TRPM3: variants seen among roughly 807,000 people sequenced by gnomAD.
TRPM3 encodes long transient receptor potential channel 3.
A neutral mutation model predicts 181.2 loss-of-function variants in TRPM3; 77 were observed. The observed-to-expected ratio is 0.42, with a 90% CI of 0.35 to 0.51. The LOEUF is 0.51. Ranked by LOEUF, TRPM3 falls within the 20% of genes least tolerant of loss-of-function variation. The pLI is 0.01. For synonymous variants in TRPM3, 745 were observed against 796.4 expected (o/e 0.94, Z 1.09); for missense variants, 1,759 against 2,196.7 (o/e 0.80, Z 3.98).
intron 1 of TRPM3, among the ~76,000 whole-genome samples, chr9:71,184,812 A>T (rs2077585973): frequency 1.3e-5 from 2 of 152,216 alleles, no homozygotes; most frequent in East Asian, 3.9e-4. Flanking sequence ...GCTCATCCAA[A>T]TTTAATTTCA....
intron 1 of TRPM3, among the ~76,000 whole-genome samples, chr9:70,902,690 C>T (rs2096403530): frequency 1.3e-5 from 2 of 152,176 alleles, no homozygotes; most frequent in African/African-American, 4.8e-5. Context: ...CATATCCAGT[C>T]CCAGGCACTG....
intron 8 of TRPM3, among the ~76,000 whole-genome samples, chr9:70,742,940 C>T (rs2074434044): frequency 1.3e-5 from 2 of 152,202 alleles, no homozygotes; most frequent in African/African-American, 2.4e-5. Context: ...TTAGCCACCA[C>T]AATCAATCAC....
At chr9:70,999,733 AT>A (rs937017289) in intron 1 of TRPM3, among the ~76,000 whole-genome samples, 1 of 152,130 alleles carries the variant, frequency 6.6e-6, no homozygotes, top group Non-Finnish European at 1.5e-5. Context: ...ATCCAAGGTT[AT>A]TTTTATTCTC....
In TRPM3 at chr9:71,327,108, C is replaced by T. The variant is rs138074456; in HGVS notation, c.183+119545G>A. ...GATCCAGATTAGTTGGTAGGATCTG[C>T]TGTTTGGAGTTAGGCTGCTCCTCCA... is the stretch of plus-strand genomic sequence containing the variant. On this transcript the variant is annotated intron_variant, in intron 1 of 24. Coordinates refer to the TRPM3 transcript ENST00000357533. Among the ~76,000 whole-genome samples the T allele has an allele frequency of 9.3e-4, 142 of 152,356 alleles. 1 individual carries two copies. The highest frequency in any genetic ancestry group is 6.2e-3 in the South Asian group (30 of 4,828).
intron 1 of TRPM3, among the ~76,000 whole-genome samples, chr9:71,208,456 C>T (rs1319340254): frequency 6.6e-6 from 1 of 152,118 alleles, no homozygotes; most frequent in African/African-American, 2.4e-5. Context: ...GGAAAATATT[C>T]CTGCAGTGGA....
At chr9:70,847,233 G>A (rs1241163369) in intron 3 of TRPM3, among the ~76,000 whole-genome samples, 2 of 152,048 alleles carry the variant, frequency 1.3e-5, no homozygotes, top group African/African-American at 4.8e-5. Context: ...TGGAAATAAA[G>A]TTATAATAAG....
chr9:71,210,121 G>T (rs867428190), intron 1 of TRPM3, among the ~76,000 whole-genome samples: 44 of 152,272 alleles, frequency 2.9e-4, no homozygotes, highest in African/African-American at 1.0e-3. Flanking sequence ...TCACATTACT[G>T]CCTAAGCTCC....
rs563995829 is a variant in TRPM3, at chr9:70,622,412, G to A, written c.1810-1139C>T. ...AGAGCCTCTATTATCTGGAGACCTG[G>A]GGTATTATTCAGAAATATATTAATA... On this transcript the variant is annotated intron_variant, in intron 14 of 25. Coordinates refer to ENST00000677713, the MANE Select transcript of TRPM3 (RefSeq NM_001366145.2). 6.6e-5 allele frequency among the ~76,000 whole-genome samples: 10 copies of A among 152,334 alleles called. 1 individual carries two copies. In the East Asian group the frequency reaches 1.9e-3, roughly 29 times the overall value.
In TRPM3 at chr9:70,625,694, C is replaced by T. The variant is rs903246137; in HGVS notation, c.1633-177G>A. ...TCCCAGGCACTAGGAACTAGGTTTC[C>T]CCAGATGCTCCCCAAGCCCGCATTT... On this transcript the variant is annotated intron_variant, in intron 12 of 25. Coordinates refer to ENST00000677713, the MANE Select transcript of TRPM3 (RefSeq NM_001366145.2). This position sits in a 1 kb window ranked among gnomAD's most constrained non-coding sequence, Gnocchi z 4.8. Among the ~76,000 whole-genome samples, 4 of 152,068 alleles carry T rather than the reference C, an allele frequency of 2.6e-5. No homozygotes were observed. The highest frequency in any genetic ancestry group is 2.0e-4 in the Admixed American group (3 of 15,258).
At chr9:70,769,975 G>C (rs1588097330) in intron 7 of TRPM3, among the ~76,000 whole-genome samples, 1 of 152,172 alleles carries the variant, frequency 6.6e-6, no homozygotes, top group African/African-American at 2.4e-5. Flanking sequence ...CTATTTGGGA[G>C]AATGGGAGAT....
At chr9:70,627,887 A>C (rs1757930396) in intron 12 of TRPM3, among the ~76,000 whole-genome samples, 1 of 152,062 alleles carries the variant, frequency 6.6e-6, no homozygotes, top group Non-Finnish European at 1.5e-5. Flanking sequence ...GATTATCTTT[A>C]TCCATCTAAC....
At chr9:71,371,782 C>T (rs2092522627) in intron 1 of TRPM3, among the ~76,000 whole-genome samples, 1 of 152,164 alleles carries the variant, frequency 6.6e-6, no homozygotes, top group African/African-American at 2.4e-5. Context: ...CCATAGAGAA[C>T]TCTTTGGTGA....
At chr9:71,371,014 T>C (rs889303942) in intron 1 of TRPM3, among the ~76,000 whole-genome samples, 8 of 151,962 alleles carry the variant, frequency 5.3e-5, no homozygotes, top group African/African-American at 1.9e-4. Context: ...TACATCTGTT[T>C]ACAGAATGGT....
intron 1 of TRPM3, among the ~76,000 whole-genome samples, chr9:71,153,526 G>A (rs1051051278): frequency 2.6e-5 from 4 of 151,854 alleles, no homozygotes; most frequent in Admixed American, 6.6e-5. Flanking sequence ...CAAGTGATTT[G>A]CATACCTCAG....
intron 1 of TRPM3, among the ~76,000 whole-genome samples, chr9:70,910,873 T>C (rs1307189733): frequency 6.6e-6 from 1 of 152,224 alleles, no homozygotes; most frequent in Non-Finnish European, 1.5e-5. Context: ...ATATATGGCT[T>C]TCAACTCTAA....
chr9:70,848,253 A>G (rs1044187585), intron 3 of TRPM3, among the ~76,000 whole-genome samples: 1 of 152,178 alleles, frequency 6.6e-6, no homozygotes, highest in African/African-American at 2.4e-5. Context: ...ATTAAAATGG[A>G]TAAGTTAAAT....
rs1269710106 is a variant in TRPM3 at position 71,380,636 on chromosome 9, A to G, written c.183+66017T>C. 3.9e-5 allele frequency among the ~76,000 whole-genome samples: 6 copies of G among 152,044 alleles called. No individual in the cohort carries two copies. In the East Asian group the frequency reaches 1.2e-3, roughly 29 times the overall value. On this transcript the variant is annotated intron_variant, in intron 1 of 24. Transcript: ENST00000357533. ...AGAAAGCAAAGAAAATAGTATGGCT[A>G]ATATCTGATTATTATTTCATATTAT...
chr9:71,167,060 C>T (rs559749824), intron 1 of TRPM3, among the ~76,000 whole-genome samples: 2 of 152,054 alleles, frequency 1.3e-5, no homozygotes, highest in Non-Finnish European at 2.9e-5. Context: ...TGTACAAAAA[C>T]AAACAGAAAA....
rs537118329 is a variant in TRPM3, at chr9:71,269,950, T to A, written c.183+176703A>T. 9.2e-5 allele frequency among the ~76,000 whole-genome samples: 14 copies of A among 152,354 alleles called. No homozygotes were observed. The South Asian group carries it at 2.9e-3, about 32-fold the overall frequency. On this transcript the variant is annotated intron_variant, in intron 1 of 24. Transcript: ENST00000357533. ...GTCTCAGTTTTATGAGTTTGCATAATATGACCATCAAGAGTAGAAGTCAAC... is the reference window on the plus strand; with the variant it reads ...GTCTCAGTTTTATGAGTTTGCATAAAATGACCATCAAGAGTAGAAGTCAAC...
Sources: allele counts gnomAD v4.1 joint callset (sites outside exome capture counted in the v4.1 genomes callset), GRCh38; gene constraint gnomAD v4.1.1; non-coding constraint Gnocchi (gnomAD v3.1); transcripts MANE v1.5; gene names NCBI Gene and HGNC (gene_info 2026-07-23, HGNC 2026-07-21).